PAK1IP1: variants seen among roughly 807,000 people sequenced by gnomAD.
PAK1IP1 encodes the protein PAK1 interacting protein 1, also known as p21-activated protein kinase-interacting protein 1.
A neutral mutation model predicts 42.0 loss-of-function variants in PAK1IP1; 24 were observed. That is an observed-to-expected ratio of 0.57 (90% CI 0.41 to 0.80). PAK1IP1 has a LOEUF of 0.80. PAK1IP1 is among the 30% of genes least tolerant of loss of function. The probability of loss-of-function intolerance (pLI) is 0.00; values close to 1 mark genes in which losing one functional copy is unlikely to be tolerated. For missense variants in PAK1IP1, 411 were observed against 467.9 expected, an observed-to-expected ratio of 0.88 and a Z score of 1.12; for synonymous variants, 154 against 156.7, an observed-to-expected ratio of 0.98 and a Z score of 0.13.
chr6:10,697,461 G>A lies in PAK1IP1; in HGVS notation c.222G>A (p.Glu74=), dbSNP rs747325932. The change falls in exon 2 of 10, where the codon GAG becomes GAA. Residue 74 remains glutamate (E), a synonymous_variant. Coordinates refer to ENST00000379568, the MANE Select transcript of PAK1IP1 (RefSeq NM_017906.3). ...IHIYDMKKKI[E]HGALVHHSGT... The stretch of plus-strand genomic sequence containing the variant: ...TTTATGACATGAAAAAGAAGATTGA[G>A]CATGGGGCTCTAGTGCATCACAGTG... The A allele has an allele frequency of 8.1e-6, 13 of 1,613,820 alleles. No individual in the cohort carries two copies. The highest frequency in any genetic ancestry group is 1.1e-5 in the Non-Finnish European group (13 of 1,179,852).
chr6:10,696,883 G>C (rs184252088), intron 1 of PAK1IP1, among the ~76,000 whole-genome samples: 1 of 152,328 alleles, frequency 6.6e-6, no homozygotes, highest in Non-Finnish European at 1.5e-5. Flanking sequence ...GCTTGGAATA[G>C]TGCCAGACAC....
At position 10,702,561 on chromosome 6, in the gene PAK1IP1, A is replaced by T; in HGVS notation, c.369-4A>T. The T allele has an allele frequency of 6.2e-7, 1 of 1,614,016 alleles. No homozygotes were observed. On this transcript the variant is annotated splice_polypyrimidine_tract_variant and splice_region_variant and intron_variant, in intron 3 of 9. Coordinates refer to ENST00000379568, the MANE Select transcript of PAK1IP1 (RefSeq NM_017906.3). ...TTGGGGACTAACTTTTGGTTTCATT[A>T]TAGAGGACAGGTGACCTTCCTTTCT...
intron 2 of PAK1IP1, among the ~76,000 whole-genome samples, chr6:10,698,718 C>T (rs1308545879): frequency 6.6e-6 from 1 of 152,116 alleles, no homozygotes; most frequent in East Asian, 1.9e-4. Flanking sequence ...AAGGCCTGCC[C>T]CATTGGAATT....
chr6:10,701,657 G>A (rs539240322), intron 2 of PAK1IP1, among the ~76,000 whole-genome samples: 42 of 152,208 alleles, frequency 2.8e-4, no homozygotes, highest in Non-Finnish European at 5.7e-4. Context: ...GGATTGGATT[G>A]TGGCTGATTG....
At chr6:10,702,889 C>T (rs1770075043) in intron 4 of PAK1IP1, among the ~76,000 whole-genome samples, 1 of 152,114 alleles carries the variant, frequency 6.6e-6, no homozygotes, top group South Asian at 2.1e-4. Context: ...TCACTGCAAG[C>T]TCCGCCTCCC....
At chr6:10,695,836 C>T (rs1238213877) in intron 1 of PAK1IP1, among the ~76,000 whole-genome samples, 1 of 152,054 alleles carries the variant, frequency 6.6e-6, no homozygotes, top group African/African-American at 2.4e-5. Flanking sequence ...TTTAATTATC[C>T]AGAAAATTTG....
In PAK1IP1 at chr6:10,709,219, ACT is replaced by A. The variant is rs1211167978; in HGVS notation, c.965-14_965-13del. 1 of 1,581,392 alleles carries A rather than the reference ACT, an allele frequency of 6.3e-7. No homozygotes were observed. The highest frequency in any genetic ancestry group is 8.6e-7 in the Non-Finnish European group (1 of 1,164,848). On this transcript the variant is annotated splice_polypyrimidine_tract_variant and intron_variant, in intron 9 of 9. Transcript: ENST00000379568. ...GGGAAAACAGTCTTTTTTTAAAAGCACTCTCTTTTGTGTTTTAGTAAGTAAAG... is the reference window on the plus strand; with the variant it reads ...GGGAAAACAGTCTTTTTTTAAAAGCACTCTTTTGTGTTTTAGTAAGTAAAG...
chr6:10,697,339 G>A lies in PAK1IP1; in HGVS notation c.100G>A (p.Ala34Thr). ...CGDHEQWTLV[A>T]DFTHHAHTAS... ...TCTTCAGCAGCAATGGACTCTTGTG[G>A]CTGACTTCACTCACCATGCTCACAC... The change falls in exon 2 of 10, where the codon GCT (alanine) becomes ACT (threonine). Residue 34 changes from alanine to threonine, a missense_variant. Ala to Thr is a moderately conservative substitution (Grantham distance 58). Coordinates refer to ENST00000379568, the MANE Select transcript of PAK1IP1 (RefSeq NM_017906.3). The A allele has an allele frequency of 6.2e-7, 1 of 1,613,730 alleles. No individual in the cohort carries two copies. Among genetic ancestry groups the A allele is most frequent in the Non-Finnish European group, 8.5e-7 (1 of 1,179,744 alleles).
chr6:10,700,287 A>G (rs886988407), intron 2 of PAK1IP1, among the ~76,000 whole-genome samples: 1 of 151,878 alleles, frequency 6.6e-6, no homozygotes, highest in African/African-American at 2.4e-5. Context: ...TGAACTCTTG[A>G]CCTCAAGTGA....
Position 10,704,812 on chromosome 6 carries a change from G to A in PAK1IP1, c.708G>A (p.Val236=). 6.2e-7 allele frequency: 1 copy of A among 1,612,994 alleles called. No homozygotes were observed. Among genetic ancestry groups the A allele is most frequent in the East Asian group, 2.2e-5 (1 of 44,862 alleles). ...GGTTTTTTGACTGTGATTCACTAGT[G>A]TGCCTCTGCGAATTTAAAGCTCATG... is the stretch of plus-strand genomic sequence containing the variant. ...VIRFFDCDSL[V]CLCEFKAHEN... The change falls in exon 7 of 10, where the codon GTG becomes GTA. Residue 236 remains valine (V), a synonymous_variant. Transcript: ENST00000379568.
At chr6:10,698,852 A>C (rs936744089) in intron 2 of PAK1IP1, among the ~76,000 whole-genome samples, 4 of 152,210 alleles carry the variant, frequency 2.6e-5, no homozygotes, top group Admixed American at 1.3e-4. Flanking sequence ...ATTGAGTTAC[A>C]AGAGAATTAA....
chr6:10,706,078 C>T (rs1293651763), intron 7 of PAK1IP1, among the ~76,000 whole-genome samples: 1 of 151,900 alleles, frequency 6.6e-6, no homozygotes, highest in Non-Finnish European at 1.5e-5. Context: ...ATGGCTCTTA[C>T]ATTATAAGGA....
At chr6:10,695,733 C>G (rs1769805054) in intron 1 of PAK1IP1, among the ~76,000 whole-genome samples, 1 of 152,166 alleles carries the variant, frequency 6.6e-6, no homozygotes, top group African/African-American at 2.4e-5. Flanking sequence ...ATCCGACCTC[C>G]TAACATCTAG....
chr6:10,691,441 CG>C (rs1368177653), upstream of PAK1IP1, among the ~76,000 whole-genome samples: 10 of 152,064 alleles, frequency 6.6e-5, no homozygotes, highest in African/African-American at 2.2e-4. Context: ...GTAATTAGAA[CG>C]GAACAGAACA....
upstream of PAK1IP1, among the ~76,000 whole-genome samples, chr6:10,693,485 G>A (rs1048392735): frequency 6.6e-6 from 1 of 152,120 alleles, no homozygotes; most frequent in Non-Finnish European, 1.5e-5. Context: ...CTATTAACAC[G>A]TACTAACAAT....
chr6:10,702,467 C>G lies in PAK1IP1; in HGVS notation c.346C>G (p.Leu116Val). ...CIWDAKKWEC[L>V]KSIKAHKGQV... ...CTGGGATGCAAAGAAATGGGAATGC[C>G]TGAAGTCAATTAAAGCTCACAAGTG... The change falls in exon 3 of 10, where the codon CTG (leucine) becomes GTG (valine). Residue 116 changes from leucine (L) to valine (V), a missense_variant. Transcript: ENST00000379568. The G allele has an allele frequency of 6.2e-7, 1 of 1,613,994 alleles. No individual in the cohort carries two copies. Among genetic ancestry groups the G allele is most frequent in the East Asian group, 2.2e-5 (1 of 44,866 alleles).
chr6:10,707,243 A>T (rs1284309273), intron 7 of PAK1IP1, among the ~76,000 whole-genome samples, 172 bp from the exon 8 acceptor site: 2 of 152,222 alleles, frequency 1.3e-5, no homozygotes, highest in Non-Finnish European at 2.9e-5. Context: ...GGGCCTGGAT[A>T]TATCTCATTA....
upstream of PAK1IP1, chr6:10,694,564 C>T (rs75484532): frequency 0.016 from 2,984 of 183,092 alleles, 101 homozygotes; most frequent in African/African-American, 0.067. Flanking sequence ...GTACACAGCC[C>T]ACAACAATGC....
intron 6 of PAK1IP1, 28 bp downstream of exon 6, chr6:10,704,680 G>GT (rs780597119): frequency 6.2e-7 from 1 of 1,608,928 alleles, no homozygotes; most frequent in African/African-American, 1.3e-5. Context: ...ATTGACCAAA[G>GT]TTTGTGGTGA....
Sources: allele counts gnomAD v4.1 joint callset (sites outside exome capture counted in the v4.1 genomes callset), GRCh38; gene constraint gnomAD v4.1.1; transcripts MANE v1.5; gene names NCBI Gene and HGNC (gene_info 2026-07-23, HGNC 2026-07-21).